Variants in SPATA6 observed in about 807,000 individuals in gnomAD.
The protein encoded by SPATA6 is spermatogenesis-associated protein 6.
In SPATA6, 56 loss-of-function variants were observed where a neutral mutation model predicts 65.3. The ratio of observed to expected loss-of-function variants is 0.86; its 90% CI spans 0.69 to 1.07. SPATA6 has a LOEUF of 1.07. Ranked by LOEUF, SPATA6 falls within the 50% of genes least tolerant of loss-of-function variation. The pLI is 0.00. For missense variants in SPATA6, 590 were observed against 594.8 expected (o/e 0.99, Z 0.08); for synonymous variants, 199 against 213.2 (o/e 0.93, Z 0.58).
intron 5 of SPATA6, among the ~76,000 whole-genome samples, chr1:48,408,987 A>G (rs1206559750): frequency 6.6e-6 from 1 of 152,084 alleles, no homozygotes; most frequent in Non-Finnish European, 1.5e-5. Flanking sequence ...CAAATCTCTT[A>G]TCTTCACATT....
At chr1:48,353,159 T>A (rs1461024673) in intron 11 of SPATA6, among the ~76,000 whole-genome samples, 4 of 151,850 alleles carry the variant, frequency 2.6e-5, no homozygotes, top group Non-Finnish European at 5.9e-5. Flanking sequence ...ACAAAAATAA[T>A]TTCTTGTGTT....
intron 11 of SPATA6, chr1:48,326,249 A>C (rs1007492358): frequency 2.6e-5 from 4 of 152,202 alleles, no homozygotes; most frequent in African/African-American, 9.7e-5. Flanking sequence ...ATTCAATCCC[A>C]TTTTCAATAG....
chr1:48,431,469 C>G (rs761316546), intron 3 of SPATA6, among the ~76,000 whole-genome samples: 4 of 152,142 alleles, frequency 2.6e-5, no homozygotes, highest in Admixed American at 6.5e-5. Context: ...CAACAACACA[C>G]ATATTTTTCT....
At chr1:48,266,768 G>C in the SPATA6 span, among the ~76,000 whole-genome samples, 2 of 152,060 alleles carry the variant, frequency 1.3e-5, no homozygotes, top group South Asian at 2.1e-4. Context: ...GACTGTTTTT[G>C]TTTAAGATTA....
chr1:48,413,335 G>A (rs1652447042), intron 3 of SPATA6, among the ~76,000 whole-genome samples, 184 bp from the exon 4 acceptor site: 1 of 150,822 alleles, frequency 6.6e-6, no homozygotes, highest in Admixed American at 6.6e-5. Flanking sequence ...CTGTCGCCAG[G>A]CTGGAGTGCA....
intron 8 of SPATA6, among the ~76,000 whole-genome samples, chr1:48,390,448 A>T (rs1219385125): frequency 1.3e-5 from 2 of 152,228 alleles, no homozygotes; most frequent in African/African-American, 4.8e-5. Context: ...GCGGTAGCTT[A>T]ACAGGTACAA....
chr1:48,419,765 T>C (rs948964631), intron 3 of SPATA6, among the ~76,000 whole-genome samples: 2 of 152,166 alleles, frequency 1.3e-5, no homozygotes, highest in Non-Finnish European at 2.9e-5. Context: ...TACTAGAGTT[T>C]AAACAAGGGG....
chr1:48,276,038 C>T, the SPATA6 span, among the ~76,000 whole-genome samples: 287 of 152,144 alleles, frequency 1.9e-3, no homozygotes, highest in African/African-American at 6.5e-3. Flanking sequence ...TTCAGGGATT[C>T]GACTTCTTTC....
intron 11 of SPATA6, among the ~76,000 whole-genome samples, chr1:48,350,560 T>A (rs975687048): frequency 6.6e-6 from 1 of 151,940 alleles, no homozygotes; most frequent in Non-Finnish European, 1.5e-5. Flanking sequence ...TGAAGATCTA[T>A]GATCTATTTT....
chr1:48,271,829 T>A, the SPATA6 span, among the ~76,000 whole-genome samples: 2 of 152,042 alleles, frequency 1.3e-5, no homozygotes, highest in Non-Finnish European at 2.9e-5. Context: ...AATGAAGAAA[T>A]GACCCTTCCC....
intron 1 of SPATA6, among the ~76,000 whole-genome samples, chr1:48,457,764 G>A (rs1657122549): frequency 6.6e-6 from 1 of 152,020 alleles, no homozygotes; most frequent in Non-Finnish European, 1.5e-5. Flanking sequence ...CTTTCAGGTT[G>A]AACTGAAAGG....
chr1:48,264,497 C>G, the SPATA6 span, among the ~76,000 whole-genome samples: 1 of 152,156 alleles, frequency 6.6e-6, no homozygotes, highest in Admixed American at 6.5e-5. Flanking sequence ...TTAGGTATTT[C>G]TCCTAATGCT....
chr1:48,341,661 A>G (rs931467114), intron 11 of SPATA6, among the ~76,000 whole-genome samples: 1 of 152,200 alleles, frequency 6.6e-6, no homozygotes, highest in Non-Finnish European at 1.5e-5. Context: ...AGAAAAAAAC[A>G]TGGTTTCTGA....
intron 9 of SPATA6, among the ~76,000 whole-genome samples, chr1:48,370,918 A>T (rs1647224819): frequency 6.6e-6 from 1 of 152,210 alleles, no homozygotes; most frequent in Non-Finnish European, 1.5e-5. Context: ...TACACAGCTA[A>T]GGAACAAACT....
chr1:48,373,267 A>C (rs1647501155), intron 9 of SPATA6, among the ~76,000 whole-genome samples: 1 of 152,194 alleles, frequency 6.6e-6, no homozygotes, highest in African/African-American at 2.4e-5. Context: ...GATACCTTAA[A>C]TCATCTTTCT....
At chr1:48,412,021 C>T (rs1652288881) in intron 4 of SPATA6, among the ~76,000 whole-genome samples, 1 of 152,096 alleles carries the variant, frequency 6.6e-6, no homozygotes, top group Admixed American at 6.5e-5. Context: ...CATGCGCCAC[C>T]ACACCTAGCT....
intron 1 of SPATA6, among the ~76,000 whole-genome samples, chr1:48,461,029 A>G (rs372964936): frequency 1.3e-5 from 2 of 152,192 alleles, no homozygotes; most frequent in East Asian, 3.9e-4. Context: ...GTTCCAATAC[A>G]TATCTAATAG....
chr1:48,344,964 G>A (rs1453874305), intron 11 of SPATA6, among the ~76,000 whole-genome samples: 1 of 151,800 alleles, frequency 6.6e-6, no homozygotes, highest in Non-Finnish European at 1.5e-5. Context: ...GAGACAGATC[G>A]AGACAGAAAA....
At chr1:48,436,058 T>G in intron 3 of SPATA6, 1 of 1,609,420 alleles carries the variant, frequency 6.2e-7, no homozygotes, top group South Asian at 1.1e-5. Flanking sequence ...CATCAATACT[T>G]GGTTGATGAG....
Sources: allele counts gnomAD v4.1 joint callset (sites outside exome capture counted in the v4.1 genomes callset), GRCh38; gene constraint gnomAD v4.1.1; transcripts MANE v1.5; gene names NCBI Gene and HGNC (gene_info 2026-07-23, HGNC 2026-07-21).